The following TULP4 variants were observed in gnomAD, a reference collection of about 807,000 sequenced individuals.
TULP4 encodes tubby-related protein 4.
TULP4 carries 16 observed loss-of-function variants against 129.0 expected under a neutral mutation model. The ratio of observed to expected loss-of-function variants is 0.12; its 90% confidence interval spans 0.08 to 0.19. TULP4 has a LOEUF of 0.19. TULP4 is among the 10% of genes least tolerant of loss of function. The probability of loss-of-function intolerance (pLI) is 1.00; values close to 1 mark genes in which losing one functional copy is unlikely to be tolerated. For missense variants in TULP4, 1,842 were observed against 2,059.1 expected (o/e 0.89, Z 2.04); for synonymous variants, 998 against 854.0 (o/e 1.17, Z -2.94).
intron 2 of TULP4, among the ~76,000 whole-genome samples, chr6:158,417,076 G>A (rs778128204): frequency 1.1e-4 from 16 of 152,160 alleles, no homozygotes; most frequent in Non-Finnish European, 1.8e-4. Flanking sequence ...TGACATACTT[G>A]TTAGAATGTA....
intron 3 of TULP4, among the ~76,000 whole-genome samples, chr6:158,441,846 C>T (rs1020041604): frequency 6.6e-6 from 1 of 152,202 alleles, no homozygotes; most frequent in East Asian, 1.9e-4. Context: ...GATGACTGCT[C>T]CAGCTCTCTT....
At chr6:158,256,841 G>A (rs1778254156) in intron 1 of TULP4, among the ~76,000 whole-genome samples, 1 of 152,128 alleles carries the variant, frequency 6.6e-6, no homozygotes, top group Admixed American at 6.6e-5. Context: ...CTGATCAGTG[G>A]GTATCCAGGC....
intron 3 of TULP4, among the ~76,000 whole-genome samples, chr6:158,443,584 G>A (rs1330861185): frequency 1.3e-5 from 2 of 152,112 alleles, no homozygotes; most frequent in African/African-American, 4.8e-5. Flanking sequence ...TGAGGCCTGA[G>A]GCAGAATATC....
intron 8 of TULP4, among the ~76,000 whole-genome samples, chr6:158,482,088 G>C (rs753623066): frequency 2.0e-5 from 3 of 152,204 alleles, no homozygotes; most frequent in Non-Finnish European, 2.9e-5. Context: ...TGTGGGCCTG[G>C]GGGGAGAGAA....
At chr6:158,375,192 G>A (rs760718753) in intron 1 of TULP4, among the ~76,000 whole-genome samples, 19 of 152,154 alleles carry the variant, frequency 1.2e-4, no homozygotes, top group Non-Finnish European at 2.5e-4. Context: ...GCAGTGAACC[G>A]AGATCGCACC....
chr6:158,297,688 C>T (rs925540521), intron 1 of TULP4, among the ~76,000 whole-genome samples: 3 of 152,082 alleles, frequency 2.0e-5, no homozygotes, highest in Admixed American at 6.6e-5. Context: ...TCCCTCTGTT[C>T]GGGGTGCCTG....
chr6:158,504,193 C>A lies in TULP4; in HGVS notation c.4515+15C>A, dbSNP rs1026963338. 5.9e-6 allele frequency: 9 copies of A among 1,534,844 alleles called. No homozygotes were observed. The highest frequency in any genetic ancestry group is 5.5e-5 in the African/African-American group (4 of 73,052). On this transcript the variant is annotated intron_variant, in intron 13 of 13. Coordinates refer to ENST00000367097, the MANE Select transcript of TULP4 (RefSeq NM_020245.5). Reference sequence around the variant, plus strand: ...AGGGGCGGCAGGTAAGACCTCAGACCAGGTGGCGCTGCGAGCCCAGGAGGC... The same window carrying A: ...AGGGGCGGCAGGTAAGACCTCAGACAAGGTGGCGCTGCGAGCCCAGGAGGC...
intron 1 of TULP4, among the ~76,000 whole-genome samples, chr6:158,304,673 A>AT (rs11388128): frequency 0.92 from 135,531 of 148,036 alleles, 62,140 homozygotes; most frequent in Admixed American, 0.95. Flanking sequence ...ATTTTACCTT[A>AT]TTTTTTTTTT....
chr6:158,317,790 A>T (rs10945539), intron 1 of TULP4, among the ~76,000 whole-genome samples: 2 of 152,022 alleles, frequency 1.3e-5, no homozygotes, highest in Admixed American at 6.5e-5. Context: ...TAAAAGCGTT[A>T]CTATTTCTCC....
intron 2 of TULP4, among the ~76,000 whole-genome samples, chr6:158,414,236 T>TTTCC (rs1385446348): frequency 6.6e-6 from 1 of 152,200 alleles, no homozygotes; most frequent in Non-Finnish European, 1.5e-5. Flanking sequence ...GCCTTACCAG[T>TTTCC]TTCCTTCAGG....
chr6:158,241,892 C>T, intron 1 of TULP4: 1 of 744,242 alleles, frequency 1.3e-6, no homozygotes, highest in South Asian at 1.4e-5. Context: ...CGCGCCAGGC[C>T]AGCTTTGTTA....
intron 1 of TULP4, among the ~76,000 whole-genome samples, chr6:158,270,520 T>TG (rs1321314081): frequency 2.6e-5 from 4 of 152,216 alleles, no homozygotes; most frequent in African/African-American, 4.8e-5. Flanking sequence ...GTTCGGCCTG[T>TG]GGTGGGCACT....
chr6:158,346,723 A>T (rs1780321778), intron 1 of TULP4, among the ~76,000 whole-genome samples: 2 of 152,190 alleles, frequency 1.3e-5, no homozygotes, highest in Non-Finnish European at 2.9e-5. Context: ...ACTGGTGTAG[A>T]TTGAAGCTTT....
intron 1 of TULP4, among the ~76,000 whole-genome samples, chr6:158,411,091 G>A (rs905777679): frequency 3.4e-5 from 5 of 147,226 alleles, no homozygotes; most frequent in South Asian, 2.1e-4. Flanking sequence ...ACAAGGAGGC[G>A]AGGCTATGCG....
At chr6:158,363,038 G>T (rs1219332827) in intron 1 of TULP4, among the ~76,000 whole-genome samples, 3 of 149,282 alleles carry the variant, frequency 2.0e-5, no homozygotes, top group South Asian at 2.2e-4. Flanking sequence ...CTCTAGCCTG[G>T]GGGGACAGAG....
At chr6:158,343,282 T>A (rs2090889258) in intron 1 of TULP4, among the ~76,000 whole-genome samples, 1 of 152,170 alleles carries the variant, frequency 6.6e-6, no homozygotes, top group South Asian at 2.1e-4. Flanking sequence ...AAAATGGTGT[T>A]GTGATTTAGA....
rs143499980 is a variant in TULP4, at chr6:158,411,674, G to A, written c.253-1391G>A. Among the ~76,000 whole-genome samples the A allele has an allele frequency of 2.4e-4, 37 of 152,312 alleles. No individual in the cohort carries two copies. The East Asian group carries it at 6.0e-3, about 25-fold the overall frequency. Reference sequence around the variant, plus strand: ...ACACCAAGTGTGGCCAACCAAGGCTGCTCAAGGCACACTAAATCAGGTGAT... The same window carrying A: ...ACACCAAGTGTGGCCAACCAAGGCTACTCAAGGCACACTAAATCAGGTGAT... On this transcript the variant is annotated intron_variant, in intron 1 of 13. Coordinates refer to ENST00000367097, the MANE Select transcript of TULP4 (RefSeq NM_020245.5).
intron 3 of TULP4, among the ~76,000 whole-genome samples, chr6:158,444,867 A>G (rs1362664521): frequency 6.6e-6 from 1 of 152,136 alleles, no homozygotes; most frequent in Non-Finnish European, 1.5e-5. Flanking sequence ...GGTGGAGTGC[A>G]TTGGAGCAAT....
chr6:158,339,173 TC>T (rs1305123959), intron 1 of TULP4, among the ~76,000 whole-genome samples: 5 of 152,104 alleles, frequency 3.3e-5, no homozygotes, highest in African/African-American at 1.2e-4. Flanking sequence ...AAAGCTGGTG[TC>T]CTGGGGGAGA....
Sources: gnomAD v4.1 joint callset for allele counts (sites outside exome capture counted in the v4.1 genomes callset) on GRCh38, gnomAD v4.1.1 for gene constraint, MANE v1.5 for transcripts, NCBI Gene and HGNC (gene_info 2026-07-23, HGNC 2026-07-21) for gene names.